The following GRB10 variants were observed in gnomAD, a reference collection of about 807,000 sequenced individuals.
The protein encoded by GRB10 is growth factor receptor-bound protein 10.
A neutral mutation model predicts 80.9 loss-of-function variants in GRB10; 20 were observed. The ratio of observed to expected loss-of-function variants is 0.25; its 90% confidence interval spans 0.17 to 0.36. GRB10 has a LOEUF of 0.36. Ranked by LOEUF, GRB10 falls within the 10% of genes least tolerant of loss-of-function variation. The pLI is 1.00. For synonymous variants in GRB10, 291 were observed against 291.5 expected (o/e 1.00, Z 0.02); for missense variants, 548 against 747.7 (o/e 0.73, Z 3.12).
intron 3 of GRB10, among the ~76,000 whole-genome samples, chr7:50,744,451 T>C (rs545161408): frequency 1.3e-5 from 2 of 152,300 alleles, no homozygotes; most frequent in East Asian, 1.9e-4. Flanking sequence ...TAAAAGTTCA[T>C]GTATAATTTT....
intron 4 of GRB10, among the ~76,000 whole-genome samples, chr7:50,713,356 C>T (rs1016821565): frequency 3.3e-5 from 5 of 151,744 alleles, no homozygotes; most frequent in Non-Finnish European, 7.4e-5. Context: ...ATCTCCATCA[C>T]TTCTCCTGCC....
intron 13 of GRB10, among the ~76,000 whole-genome samples, chr7:50,611,853 T>C (rs866457256): frequency 1.3e-5 from 2 of 152,356 alleles, no homozygotes; most frequent in Middle Eastern, 3.4e-3. Flanking sequence ...TTGTATCCAT[T>C]GGCTCCAGTT....
chr7:50,715,511 G>T (rs917586275), intron 4 of GRB10, among the ~76,000 whole-genome samples: 1 of 152,136 alleles, frequency 6.6e-6, no homozygotes, highest in Admixed American at 6.5e-5. Flanking sequence ...AGTTCACCTC[G>T]CCCTTCAGGT....
chr7:50,616,007 T>C (rs986162473), intron 11 of GRB10, among the ~76,000 whole-genome samples: 3 of 152,164 alleles, frequency 2.0e-5, no homozygotes, highest in Non-Finnish European at 4.4e-5. Context: ...TAGGCCTGTA[T>C]TATTTATTAC....
intron 4 of GRB10, among the ~76,000 whole-genome samples, chr7:50,713,081 G>C (rs180840336): frequency 6.6e-6 from 1 of 152,154 alleles, no homozygotes; most frequent in African/African-American, 2.4e-5. Flanking sequence ...CATTTTGGCC[G>C]AAAGGGGGAC....
chr7:50,786,373 A>G (rs1588138618), upstream of GRB10, among the ~76,000 whole-genome samples: 1 of 152,232 alleles, frequency 6.6e-6, no homozygotes, highest in Non-Finnish European at 1.5e-5. Flanking sequence ...TCCAGCTTCA[A>G]TGGGCCCTCA....
intron 1 of GRB10, among the ~76,000 whole-genome samples, chr7:50,789,273 G>C (rs1014498880): frequency 2.0e-5 from 3 of 152,166 alleles, no homozygotes; most frequent in Admixed American, 2.0e-4. Flanking sequence ...TAAATTAATA[G>C]CAAGCAGGAT....
At chr7:50,697,654 G>C (rs1159299769) in intron 5 of GRB10, among the ~76,000 whole-genome samples, 1 of 152,142 alleles carries the variant, frequency 6.6e-6, no homozygotes, top group African/African-American at 2.4e-5. Context: ...ATTATGCCTC[G>C]AAAATTAAGG....
chr7:50,657,915 T>G (rs1386733311), intron 7 of GRB10, among the ~76,000 whole-genome samples: 1 of 152,184 alleles, frequency 6.6e-6, no homozygotes, highest in African/African-American at 2.4e-5. Flanking sequence ...ACATTTTTAT[T>G]ACTCAAACTA....
intron 9 of GRB10, 47 bp from the exon 10 acceptor site, chr7:50,618,186 T>A: frequency 7.2e-7 from 1 of 1,390,968 alleles, no homozygotes; most frequent in Non-Finnish European, 1.0e-6. Context: ...AGCTTCAAAG[T>A]GAGGGAAGGT....
At chr7:50,738,761 T>C (rs1265895386) in intron 3 of GRB10, among the ~76,000 whole-genome samples, 1 of 152,242 alleles carries the variant, frequency 6.6e-6, no homozygotes, top group Admixed American at 6.5e-5. Context: ...AGTAGATAGA[T>C]AGCAGCTTTC....
intron 4 of GRB10, among the ~76,000 whole-genome samples, chr7:50,711,412 A>T (rs759341520): frequency 6.6e-6 from 1 of 152,184 alleles, no homozygotes; most frequent in Non-Finnish European, 1.5e-5. Flanking sequence ...AGCCAGGGAC[A>T]TCAGCTGAGA....
chr7:50,698,088 T>A (rs763639320), intron 5 of GRB10, among the ~76,000 whole-genome samples: 3 of 152,224 alleles, frequency 2.0e-5, no homozygotes, highest in Non-Finnish European at 2.9e-5. Context: ...AAACACATCA[T>A]GCTTTCCTTT....
Position 50,793,306 on chromosome 7 carries a change from G to A in GRB10, c.-376C>T, listed in dbSNP as rs2079014151. ...CGGCGGCGGGCGCGGGTCCCCGCGG[G>A]GCGAGGCCGGCGCTCAAGACTGTCC... On this transcript the variant is annotated 5_prime_UTR_variant, in exon 1 of 17. Transcript: ENST00000335866. 3 of 145,760 alleles carry A rather than the reference G, an allele frequency of 2.1e-5. No homozygotes were observed. In the South Asian group the frequency reaches 6.3e-4, roughly 31 times the overall value. 9.0% of individuals were successfully genotyped at this position (145,760 alleles called of 1,614,324 possible). A position where few individuals can be genotyped will look rare whatever the true frequency, so the allele number is the denominator to read the frequency against.
intron 5 of GRB10, among the ~76,000 whole-genome samples, chr7:50,697,522 G>A (rs934192717): frequency 1.3e-5 from 2 of 152,320 alleles, no homozygotes; most frequent in Non-Finnish European, 2.9e-5. Context: ...CCAGATAGCA[G>A]TAACAGGTCA....
intron 2 of GRB10, among the ~76,000 whole-genome samples, chr7:50,759,948 A>G (rs1445639419): frequency 6.6e-6 from 1 of 152,218 alleles, no homozygotes; most frequent in African/African-American, 2.4e-5. Flanking sequence ...AAACTTAGCC[A>G]AAATGTGTAA....
rs548810836 is a variant in GRB10 at position 50,711,579 on chromosome 7, G to A, written c.52-7671C>T. On this transcript the variant is annotated intron_variant, in intron 4 of 18. Coordinates refer to ENST00000401949, the MANE Select transcript of GRB10 (RefSeq NM_001350814.2). ...GTCTATTAAGCTATTGCAGCCGAGT[G>A]AAGAGTGACTACCTGTGTCACCTGC... Among the ~76,000 whole-genome samples, 19 of 152,294 alleles carry A rather than the reference G, an allele frequency of 1.2e-4. 1 individual carries two copies. The South Asian group carries it at 3.9e-3, about 32-fold the overall frequency.
chr7:50,769,039 T>C (rs1038627228), intron 2 of GRB10, among the ~76,000 whole-genome samples: 1 of 152,200 alleles, frequency 6.6e-6, no homozygotes, highest in African/African-American at 2.4e-5. Context: ...ATCATTCTGA[T>C]GCCCACCTCT....
intron 9 of GRB10, 50 bp from the exon 10 acceptor site, chr7:50,618,189 G>C (rs1191228612): frequency 7.5e-7 from 1 of 1,340,218 alleles, no homozygotes; most frequent in South Asian, 1.2e-5. Flanking sequence ...TTCAAAGTGA[G>C]GGAAGGTATG....
Sources: allele counts gnomAD v4.1 joint callset (sites outside exome capture counted in the v4.1 genomes callset), GRCh38; gene constraint gnomAD v4.1.1; transcripts MANE v1.5; gene names NCBI Gene and HGNC (gene_info 2026-07-23, HGNC 2026-07-21).